RFWD3: variants seen among roughly 807,000 people sequenced by gnomAD.
The protein encoded by RFWD3 is ring finger and WD repeat domain 3.
Under a neutral mutation model 87.7 loss-of-function variants are expected in RFWD3, and 65 were observed. The observed-to-expected ratio is 0.74, with a 90% confidence interval of 0.61 to 0.91. The LOEUF (loss-of-function observed/expected upper bound fraction) is 0.91. Among genes scored for constraint, RFWD3 ranks in the 40% least tolerant of loss-of-function variants. The pLI is 0.00. For missense variants in RFWD3, 1,078 were observed against 938.5 expected (o/e 1.15, Z -1.94); for synonymous variants, 433 against 352.8 (o/e 1.23, Z -2.55).
At chr16:74,657,073 G>A (rs1297346428) in intron 2 of RFWD3, among the ~76,000 whole-genome samples, 2 of 152,120 alleles carry the variant, frequency 1.3e-5, no homozygotes, top group Non-Finnish European at 2.9e-5. Context: ...TTCACACTCT[G>A]CATTGCTCAG....
At position 74,659,197 on chromosome 16, in the gene RFWD3, G is replaced by A. The variant is rs187300604; in HGVS notation, c.518+1735C>T. On this transcript the variant is annotated intron_variant, in intron 2 of 12. Transcript: ENST00000361070. ...ACAAGTCACTGTGCTTGACCAAGAG[G>A]AATCCACTCTGCGTCCCCCAACAAG... 1.8e-4 allele frequency among the ~76,000 whole-genome samples: 28 copies of A among 152,216 alleles called. 1 individual carries two copies. Among genetic ancestry groups the A allele is most frequent in the Admixed American group, 1.7e-3 (26 of 15,274 alleles).
At chr16:74,647,362 A>T (rs1345241593) in intron 4 of RFWD3, among the ~76,000 whole-genome samples, 1 of 152,016 alleles carries the variant, frequency 6.6e-6, no homozygotes, top group East Asian at 1.9e-4. Context: ...ATCTCGGCTC[A>T]CCACAACCTC....
chr16:74,643,867 CG>C (rs1452940223), intron 6 of RFWD3: 3 of 165,568 alleles, frequency 1.8e-5, no homozygotes, highest in South Asian at 1.5e-4. Context: ...TTAGTAGAGA[CG>C]GGGTTTCACC....
chr16:74,642,226 G>A (rs749774971), intron 6 of RFWD3, among the ~76,000 whole-genome samples: 1 of 151,454 alleles, frequency 6.6e-6, no homozygotes, highest in African/African-American at 2.4e-5. Context: ...AGGTTCAAGC[G>A]ATTCTCGTGC....
chr16:74,663,521 T>C (rs952924338), intron 1 of RFWD3, among the ~76,000 whole-genome samples: 1 of 152,076 alleles, frequency 6.6e-6, no homozygotes, highest in Non-Finnish European at 1.5e-5. Flanking sequence ...GCCAGACTGG[T>C]GCAGGCTGAA....
chr16:74,623,705 A>G lies in RFWD3; in HGVS notation c.*223T>C. On this transcript the variant is annotated 3_prime_UTR_variant, in exon 13 of 13. Coordinates refer to ENST00000361070, the MANE Select transcript of RFWD3 (RefSeq NM_018124.4). Reference sequence around the variant, plus strand: ...AAGGCTTTAAACCCAAGAAATGGATAATGTAGATAAAGTACCCATCAATTA... The same window carrying G: ...AAGGCTTTAAACCCAAGAAATGGATGATGTAGATAAAGTACCCATCAATTA... 1 of 468,028 alleles carries G rather than the reference A, an allele frequency of 2.1e-6. No homozygotes were observed. Among genetic ancestry groups the G allele is most frequent in the Non-Finnish European group, 3.8e-6 (1 of 265,702 alleles). The allele number at this position is 468,028 out of a possible 1,614,324, so 29.0% of individuals were successfully genotyped here.
chr16:74,631,857 C>G (rs1287222401), intron 9 of RFWD3, among the ~76,000 whole-genome samples: 1 of 152,096 alleles, frequency 6.6e-6, no homozygotes, highest in Non-Finnish European at 1.5e-5. Context: ...CTGACCTCAG[C>G]TGATTGCCTG....
At chr16:74,632,750 T>G (rs1319871140) in intron 8 of RFWD3, 77 bp from the exon 9 acceptor site, 1 of 1,351,802 alleles carries the variant, frequency 7.4e-7, no homozygotes, top group Non-Finnish European at 1.0e-6. Flanking sequence ...TTCAAGTAGC[T>G]CCTTCGTCCA....
At chr16:74,643,964 A>G (rs936954539) in intron 6 of RFWD3, 4 of 251,868 alleles carry the variant, frequency 1.6e-5, no homozygotes, top group Non-Finnish European at 2.4e-5. Flanking sequence ...GGCGTGAGCC[A>G]CCATGCCCGG....
At chr16:74,636,697 T>A in intron 7 of RFWD3, 120 bp from the exon 8 acceptor site, 1 of 783,536 alleles carries the variant, frequency 1.3e-6, no homozygotes, top group East Asian at 2.7e-5. Flanking sequence ...TTAACATGAA[T>A]CCTAGAGAAC....
At chr16:74,644,036 A>T (rs1959904066) in intron 6 of RFWD3, 2 of 370,550 alleles carry the variant, frequency 5.4e-6, no homozygotes, top group South Asian at 5.9e-5. Flanking sequence ...CTGCATGTGC[A>T]AAGCTTCACT....
chr16:74,623,207 C>A lies in RFWD3; in HGVS notation c.*721G>T, dbSNP rs1322795954. On this transcript the variant is annotated 3_prime_UTR_variant, in exon 13 of 13. Transcript: ENST00000361070. ...AACTGGCCTCTTTCCTTACCTTTCG[C>A]AAAGCAATGAACTTAATGCACTAGG... The A allele has an allele frequency of 6.6e-6, 1 of 152,644 alleles. No homozygotes were observed. The allele number at this position is 152,644 out of a possible 1,614,324, so 9.5% of individuals were successfully genotyped here.
rs752666614 is a variant in RFWD3 at position 74,644,773 on chromosome 16, T to C, written c.793-38A>G. 3.3e-5 allele frequency: 51 copies of C among 1,559,948 alleles called. No individual in the cohort carries two copies. In the East Asian group the frequency reaches 1.1e-3, roughly 35 times the overall value. ...CAGAATATATTCAAATTAGAGAAAA[T>C]GTAAAATCAATCTTGAAGAAGATGT... On this transcript the variant is annotated intron_variant, in intron 4 of 12. Coordinates refer to ENST00000361070, the MANE Select transcript of RFWD3 (RefSeq NM_018124.4).
At chr16:74,664,759 A>AAAAG (rs1961744172) in intron 1 of RFWD3, 1 of 151,820 alleles carries the variant, frequency 6.6e-6, no homozygotes, top group African/African-American at 2.4e-5. Flanking sequence ...AAAAAAGAAA[A>AAAAG]AAGAAAGAAA....
At chr16:74,641,164 A>T (rs758500052) in intron 6 of RFWD3, among the ~76,000 whole-genome samples, 20 of 145,778 alleles carry the variant, frequency 1.4e-4, no homozygotes, top group Non-Finnish European at 2.7e-4. Flanking sequence ...CAAACAGATA[A>T]TTTTTTTTTT....
intron 9 of RFWD3, 85 bp downstream of exon 9, chr16:74,632,438 C>G: frequency 6.9e-7 from 1 of 1,439,566 alleles, no homozygotes; most frequent in South Asian, 1.2e-5. Context: ...AAAAACAGAG[C>G]TAAGGTCATC....
chr16:74,644,116 C>T (rs757511140), intron 6 of RFWD3: 3 of 550,332 alleles, frequency 5.5e-6, no homozygotes, highest in Non-Finnish European at 9.8e-6. Context: ...AAAATGGCAA[C>T]AGAAGTAATG....
At position 74,660,843 on chromosome 16, in the gene RFWD3, G is replaced by C. The variant is rs1961369352; in HGVS notation, c.518+89C>G. 4.1e-6 allele frequency: 6 copies of C among 1,458,074 alleles called. No homozygotes were observed. The South Asian group carries it at 6.9e-5, about 17-fold the overall frequency. 90.3% of individuals were successfully genotyped at this position (1,458,074 alleles called of 1,614,324 possible). On this transcript the variant is annotated intron_variant, in intron 2 of 12. Transcript: ENST00000361070. ...TCAGAAGTTACCTGACTTGCCAAAA[G>C]TCACACTGTCAGTCCTTGAATGGCA... is the stretch of plus-strand genomic sequence containing the variant.
intron 2 of RFWD3, among the ~76,000 whole-genome samples, chr16:74,656,748 G>A (rs902301642): frequency 2.0e-5 from 3 of 152,174 alleles, no homozygotes; most frequent in African/African-American, 7.2e-5. Flanking sequence ...ATGAGCCACT[G>A]TGCCTTGGGG....
Sources: allele counts gnomAD v4.1 joint callset (sites outside exome capture counted in the v4.1 genomes callset), GRCh38; gene constraint gnomAD v4.1.1; transcripts MANE v1.5; gene names NCBI Gene and HGNC (gene_info 2026-07-23, HGNC 2026-07-21).